Variants in UBAP2L observed in about 807,000 individuals in gnomAD.
UBAP2L encodes the protein ubiquitin-associated protein 2-like.
UBAP2L carries 12 observed loss-of-function variants against 130.6 expected under a neutral mutation model. The observed-to-expected ratio is 0.09, with a 90% CI of 0.06 to 0.15. The LOEUF (loss-of-function observed/expected upper bound fraction) is 0.15, where lower values mean the gene tolerates loss of function less well. Ranked by LOEUF, UBAP2L falls within the 10% of genes least tolerant of loss-of-function variation. The pLI is 1.00. For synonymous variants in UBAP2L, 503 were observed against 524.7 expected, an observed-to-expected ratio of 0.96 and a Z score of 0.57; for missense variants, 965 against 1,332.5, an observed-to-expected ratio of 0.72 and a Z score of 4.29.
chr1:154,243,544 T>A (rs1241638038), intron 10 of UBAP2L, among the ~76,000 whole-genome samples: 2 of 152,076 alleles, frequency 1.3e-5, no homozygotes, highest in Non-Finnish European at 2.9e-5. Flanking sequence ...CACTGCAACC[T>A]CTGCCTCCTG....
chr1:154,243,872 C>G (rs2148771438), intron 10 of UBAP2L, among the ~76,000 whole-genome samples: 1 of 152,274 alleles, frequency 6.6e-6, no homozygotes, highest in Admixed American at 6.5e-5. Context: ...CAAAGATCAG[C>G]CTTTCATATC....
At chr1:154,233,677 G>C (rs115931169) in intron 4 of UBAP2L, among the ~76,000 whole-genome samples, 2 of 150,934 alleles carry the variant, frequency 1.3e-5, no homozygotes, top group Non-Finnish European at 2.9e-5. Context: ...GTGTGTGTGT[G>C]TCTGTAGGTA....
At chr1:154,227,951 A>G (rs1022115665) in intron 3 of UBAP2L, among the ~76,000 whole-genome samples, 1 of 152,172 alleles carries the variant, frequency 6.6e-6, no homozygotes, top group African/African-American at 2.4e-5. Flanking sequence ...AGTTGTGGGT[A>G]TAGGAAATGT....
chr1:154,257,589 A>C, intron 20 of UBAP2L, 155 bp downstream of exon 20: 2 of 739,120 alleles, frequency 2.7e-6, no homozygotes, highest in Non-Finnish European at 4.4e-6. Flanking sequence ...TGAGTTTTGC[A>C]TTCTGTAAAT....
At chr1:154,236,485 C>A in intron 6 of UBAP2L, 81 bp from the exon 7 acceptor site, 1 of 1,467,002 alleles carries the variant, frequency 6.8e-7, no homozygotes, top group Non-Finnish European at 9.5e-7. Flanking sequence ...CCACCGGGAG[C>A]CACTGTGCCT....
chr1:154,236,947 C>A, intron 7 of UBAP2L, 77 bp from the exon 8 acceptor site: 1 of 1,113,906 alleles, frequency 9.0e-7, no homozygotes, highest in South Asian at 1.3e-5. Context: ...AGGATGCAGT[C>A]AAGATTTTGA....
At chr1:154,268,045 ATGCCCGGGTAATTT>A (rs909957494) in intron 25 of UBAP2L, among the ~76,000 whole-genome samples, 3 of 150,084 alleles carry the variant, frequency 2.0e-5, no homozygotes, top group Non-Finnish European at 4.4e-5. Flanking sequence ...ATGTGCCACC[ATGCCCGGGTAATTT>A]TGTGTTTTTA....
chr1:154,225,360 T>A (rs1339517635), intron 2 of UBAP2L, 147 bp downstream of exon 2: 4 of 804,068 alleles, frequency 5.0e-6, no homozygotes, highest in Admixed American at 2.5e-5. Flanking sequence ...TTTACTTAGG[T>A]CCTGATAACT....
intron 8 of UBAP2L, 52 bp downstream of exon 8, chr1:154,237,188 G>T (rs761921054): frequency 1.3e-6 from 2 of 1,502,308 alleles, no homozygotes; most frequent in East Asian, 4.5e-5. Flanking sequence ...TAAGGAAATA[G>T]TTTTTTCTGA....
chr1:154,254,761 T>A, intron 15 of UBAP2L, 75 bp from the exon 16 acceptor site: 1 of 1,462,538 alleles, frequency 6.8e-7, no homozygotes, highest in Non-Finnish European at 9.4e-7. Context: ...AAAATAAAGC[T>A]GCATCAGTGC....
At chr1:154,224,049 A>G (rs994434233) in intron 1 of UBAP2L, among the ~76,000 whole-genome samples, 1 of 152,214 alleles carries the variant, frequency 6.6e-6, no homozygotes, top group Non-Finnish European at 1.5e-5. Context: ...AGCAGCTGAG[A>G]TTGTATTATA....
In UBAP2L at chr1:154,222,535, T is replaced by C. The variant is rs78346225; in HGVS notation, c.-41+1560T>C. Among the ~76,000 whole-genome samples the C allele has an allele frequency of 6.7e-4, 102 of 152,338 alleles. 1 individual carries two copies. Among genetic ancestry groups the C allele is most frequent in the African/African-American group, 2.4e-3 (98 of 41,574 alleles). On this transcript the variant is annotated intron_variant, in intron 1 of 26. Coordinates refer to ENST00000428931, the MANE Select transcript of UBAP2L (RefSeq NM_014847.4). ...AATGTCCTGTTTTGTTTTTCATCTT[T>C]AAAGCTCCTCCTTGCTATGTCCTAA... is the stretch of plus-strand genomic sequence containing the variant.
intron 6 of UBAP2L, 150 bp from the exon 7 acceptor site, chr1:154,236,416 C>G (rs1377595330): frequency 1.3e-6 from 1 of 770,188 alleles, no homozygotes; most frequent in Non-Finnish European, 2.2e-6. Flanking sequence ...CTAGGCTGGT[C>G]TCGAACTTCT....
Position 154,253,956 on chromosome 1 carries a change from G to A in UBAP2L, c.1721G>A (p.Gly574Asp). 6.2e-7 allele frequency: 1 copy of A among 1,613,988 alleles called. No homozygotes were observed. Among genetic ancestry groups the A allele is most frequent in the Non-Finnish European group, 8.5e-7 (1 of 1,180,006 alleles). The change falls in exon 15 of 27, where the codon GGC becomes GAC. Residue 574 changes from glycine (G) to aspartate (D), a missense_variant. By Grantham distance (94) the Gly-to-Asp change is moderately conservative. Coordinates refer to ENST00000428931, the MANE Select transcript of UBAP2L (RefSeq NM_014847.4). ...NQSQESGYQS[G>D]PIQSTTYTSQ... is the part of the protein sequence containing the mutation. ...AGTCAGGAGTCTGGTTATCAGAGCG[G>A]CCCAATTCAGTCGACAACCTATACC...
intron 20 of UBAP2L, among the ~76,000 whole-genome samples, chr1:154,258,461 A>C (rs1680414742): frequency 6.6e-6 from 1 of 152,176 alleles, no homozygotes; most frequent in Non-Finnish European, 1.5e-5. Context: ...AAGATGAAGG[A>C]TATATGGAAA....
At chr1:154,243,478 T>TAAAACA (rs1674265922) in intron 10 of UBAP2L, among the ~76,000 whole-genome samples, 176 bp downstream of exon 10, 3 of 152,180 alleles carry the variant, frequency 2.0e-5, no homozygotes, top group Admixed American at 2.0e-4. Context: ...TTTTTGTTTT[T>TAAAACA]GAGACAGAGT....
At chr1:154,221,405 C>G (rs1375988263) in intron 1 of UBAP2L, 1 of 153,052 alleles carries the variant, frequency 6.5e-6, no homozygotes, top group African/African-American at 2.4e-5. Flanking sequence ...AGGTAGGGCT[C>G]TCTCTTCACC....
intron 4 of UBAP2L, among the ~76,000 whole-genome samples, chr1:154,234,329 C>T (rs975646010): frequency 8.6e-5 from 13 of 152,004 alleles, no homozygotes; most frequent in African/African-American, 2.9e-4. Flanking sequence ...CACCACTGCA[C>T]TCCAGCCTGG....
intron 8 of UBAP2L, among the ~76,000 whole-genome samples, chr1:154,239,280 G>A (rs989509726): frequency 6.6e-6 from 1 of 151,740 alleles, no homozygotes; most frequent in Non-Finnish European, 1.5e-5. Context: ...TTTCATTGGG[G>A]TTGAGGGGTC....
Sources: gnomAD v4.1 joint callset for allele counts (sites outside exome capture counted in the v4.1 genomes callset) on GRCh38, gnomAD v4.1.1 for gene constraint, MANE v1.5 for transcripts, NCBI Gene and HGNC (gene_info 2026-07-23, HGNC 2026-07-21) for gene names.